SLC25A17: variants seen among roughly 807,000 people sequenced by gnomAD.
The protein encoded by SLC25A17 is peroxisomal membrane protein PMP34.
Under a neutral mutation model 38.5 loss-of-function variants are expected in SLC25A17, and 26 were observed. The observed-to-expected ratio is 0.68, with a 90% CI of 0.50 to 0.94. The LOEUF is 0.94. Among genes scored for constraint, SLC25A17 ranks in the 40% least tolerant of loss-of-function variants. The pLI is 0.00. For synonymous variants in SLC25A17, 139 were observed against 136.2 expected, an observed-to-expected ratio of 1.02 and a Z score of -0.14; for missense variants, 333 against 372.7, an observed-to-expected ratio of 0.89 and a Z score of 0.88.
chr22:40,797,507 C>G (rs1307209553), intron 2 of SLC25A17, among the ~76,000 whole-genome samples: 1 of 152,170 alleles, frequency 6.6e-6, no homozygotes, highest in African/African-American at 2.4e-5. Flanking sequence ...AAACTCTCCA[C>G]TGTGTGCCTT....
intron 1 of SLC25A17, among the ~76,000 whole-genome samples, chr22:40,803,888 C>T (rs910589454): frequency 2.0e-5 from 3 of 150,190 alleles, no homozygotes; most frequent in African/African-American, 7.4e-5. Flanking sequence ...TCCACTATGT[C>T]GGATCTCACT....
At chr22:40,786,706 G>A (rs2057341436) in intron 4 of SLC25A17, among the ~76,000 whole-genome samples, 1 of 152,194 alleles carries the variant, frequency 6.6e-6, no homozygotes, top group South Asian at 2.1e-4. Flanking sequence ...ATCCACAGAT[G>A]TGGAACCCAC....
At chr22:40,774,204 G>C (rs1005893160) in intron 7 of SLC25A17, among the ~76,000 whole-genome samples, 185 bp from the exon 8 acceptor site, 5 of 151,170 alleles carry the variant, frequency 3.3e-5, no homozygotes, top group African/African-American at 1.2e-4. Flanking sequence ...AATCAAATAA[G>C]TGAAAATAAG....
intron 4 of SLC25A17, chr22:40,779,700 G>A (rs2057278397): frequency 1.3e-5 from 2 of 157,464 alleles, no homozygotes; most frequent in Admixed American, 6.1e-5. Flanking sequence ...CAGGCAGCAA[G>A]CATCAGGTAA....
intron 4 of SLC25A17, among the ~76,000 whole-genome samples, chr22:40,787,164 A>G (rs549340922): frequency 6.6e-6 from 1 of 152,306 alleles, no homozygotes; most frequent in East Asian, 1.9e-4. Context: ...TTCCTGAAGA[A>G]GAGGTAGCTG....
chr22:40,813,356 G>A (rs757373334), intron 1 of SLC25A17, among the ~76,000 whole-genome samples: 3 of 151,978 alleles, frequency 2.0e-5, no homozygotes, highest in Non-Finnish European at 4.4e-5. Context: ...TGGCCAACAC[G>A]GTGAGACCTC....
chr22:40,813,666 G>A (rs1258541170), intron 1 of SLC25A17, among the ~76,000 whole-genome samples: 5 of 152,336 alleles, frequency 3.3e-5, no homozygotes, highest in African/African-American at 1.2e-4. Context: ...GGAGCTTGCA[G>A]TGAGCCGAGA....
chr22:40,784,646 T>C, intron 4 of SLC25A17: 1 of 184,508 alleles, frequency 5.4e-6, no homozygotes, highest in Non-Finnish European at 1.2e-5. Flanking sequence ...TGTGGTGGCA[T>C]CCCTGTAGTC....
At chr22:40,785,923 C>T (rs1216064669) in intron 4 of SLC25A17, among the ~76,000 whole-genome samples, 1 of 152,092 alleles carries the variant, frequency 6.6e-6, no homozygotes, top group Non-Finnish European at 1.5e-5. Context: ...ACATGAGCCA[C>T]TGTACCCAGC....
rs199517446 is a variant in SLC25A17 at position 40,812,257 on chromosome 22, A to AT, written c.54+6937_54+6938insA. Among the ~76,000 whole-genome samples, 545 of 152,260 alleles carry AT rather than the reference A, an allele frequency of 3.6e-3. 5 individuals are homozygous for AT. The highest frequency in any genetic ancestry group is 0.013 in the African/African-American group (525 of 41,554). ...ATTTCAGGCTACTTACTAAAAAAAAAAGATGGTTTATTCATTCTGGGCTAT... is the reference window on the plus strand; with the variant it reads ...ATTTCAGGCTACTTACTAAAAAAAAATAGATGGTTTATTCATTCTGGGCTAT... On this transcript the variant is annotated intron_variant, in intron 1 of 8. Coordinates refer to ENST00000435456, the MANE Select transcript of SLC25A17 (RefSeq NM_006358.4).
At chr22:40,791,806 C>A (rs145305748) in intron 4 of SLC25A17, among the ~76,000 whole-genome samples, 2 of 152,108 alleles carry the variant, frequency 1.3e-5, no homozygotes, top group Non-Finnish European at 2.9e-5. Flanking sequence ...ATAAATGTTA[C>A]AGTGTTATGG....
At chr22:40,783,897 G>C (rs77378734) in intron 4 of SLC25A17, among the ~76,000 whole-genome samples, 22,188 of 151,966 alleles carry the variant, frequency 0.15, 1,706 homozygotes, top group East Asian at 0.19. Flanking sequence ...GTAGACAGGG[G>C]GTTTCGCCAT....
Position 40,794,481 on chromosome 22 carries a change from G to C in SLC25A17, c.182+33C>G, listed in dbSNP as rs577407372. 1.5e-4 allele frequency: 195 copies of C among 1,339,518 alleles called. 4 individuals are homozygous for C. The South Asian group carries it at 2.2e-3, about 15-fold the overall frequency. 83.0% of individuals were successfully genotyped at this position (1,339,518 alleles called of 1,614,324 possible). A position where few individuals can be genotyped will look rare whatever the true frequency, so the allele number is the denominator to read the frequency against. On this transcript the variant is annotated intron_variant, in intron 3 of 8. Transcript: ENST00000435456. ...AAGCACAGGAATCTCCTAACAAGTTGCTTTAACGAAGGTGAACTGAGGTAG... is the reference window on the plus strand; with the variant it reads ...AAGCACAGGAATCTCCTAACAAGTTCCTTTAACGAAGGTGAACTGAGGTAG...
At chr22:40,803,280 C>T (rs1036362512) in intron 1 of SLC25A17, among the ~76,000 whole-genome samples, 1 of 152,158 alleles carries the variant, frequency 6.6e-6, no homozygotes, top group African/African-American at 2.4e-5. Context: ...ACTTTGTACC[C>T]TTTAACTAAC....
rs944812352 is a variant in SLC25A17, at chr22:40,783,411, A to G, written c.335-4286T>C. Among the ~76,000 whole-genome samples, 4 of 152,360 alleles carry G rather than the reference A, an allele frequency of 2.6e-5. No individual in the cohort carries two copies. In the East Asian group the frequency reaches 7.7e-4, roughly 29 times the overall value. Reference sequence around the variant, plus strand: ...AATCTAATCCAATCACCAAGTGATTATTCCTTTTATTCTTTACAATTTCAA... The same window carrying G: ...AATCTAATCCAATCACCAAGTGATTGTTCCTTTTATTCTTTACAATTTCAA... On this transcript the variant is annotated intron_variant, in intron 4 of 8. Coordinates refer to ENST00000435456, the MANE Select transcript of SLC25A17 (RefSeq NM_006358.4).
At chr22:40,806,698 A>G (rs1424865529) in intron 1 of SLC25A17, among the ~76,000 whole-genome samples, 1 of 152,228 alleles carries the variant, frequency 6.6e-6, no homozygotes, top group Non-Finnish European at 1.5e-5. Flanking sequence ...ATCATCCCAA[A>G]GAAAATCTCA....
chr22:40,819,134 G>A, intron 1 of SLC25A17, 61 bp downstream of exon 1: 1 of 1,574,302 alleles, frequency 6.4e-7, no homozygotes, highest in Non-Finnish European at 8.7e-7. Context: ...GCATATCCCG[G>A]GACTGGCCCC....
At chr22:40,791,782 C>T (rs1372991587) in intron 4 of SLC25A17, among the ~76,000 whole-genome samples, 1 of 152,140 alleles carries the variant, frequency 6.6e-6, no homozygotes, top group Non-Finnish European at 1.5e-5. Context: ...CTTCTGTGTA[C>T]TGTTGGTGGG....
intron 1 of SLC25A17, among the ~76,000 whole-genome samples, chr22:40,803,640 T>C (rs191196839): frequency 4.9e-4 from 74 of 152,344 alleles, no homozygotes; most frequent in African/African-American, 1.8e-3. Context: ...GACACGCTGA[T>C]TTCATTTCCT....
Sources: gnomAD v4.1 joint callset for allele counts (sites outside exome capture counted in the v4.1 genomes callset) on GRCh38, gnomAD v4.1.1 for gene constraint, MANE v1.5 for transcripts, NCBI Gene and HGNC (gene_info 2026-07-23, HGNC 2026-07-21) for gene names.